RMDN2: variants seen among roughly 807,000 people sequenced by gnomAD.
The protein encoded by RMDN2 is regulator of microtubule dynamics protein 2.
Under a neutral mutation model 52.8 loss-of-function variants are expected in RMDN2, and 61 were observed. The observed-to-expected ratio is 1.16, with a 90% CI of 0.94 to 1.43. The LOEUF (loss-of-function observed/expected upper bound fraction) is 1.43. RMDN2 is among the 40% of genes most tolerant of loss of function. The pLI is 0.00. For missense variants in RMDN2, 592 were observed against 475.3 expected (o/e 1.25, Z -2.28); for synonymous variants, 180 against 153.1 (o/e 1.18, Z -1.30).
At chr2:37,987,600 C>G (rs1035991921) in intron 5 of RMDN2, among the ~76,000 whole-genome samples, 1 of 152,132 alleles carries the variant, frequency 6.6e-6, no homozygotes, top group African/African-American at 2.4e-5. Context: ...TTATGTAACA[C>G]ATTACAACAG....
Position 38,017,235 on chromosome 2 carries a change from G to T in RMDN2, c.1229G>T (p.Arg410Met). 6.5e-7 allele frequency: 1 copy of T among 1,531,914 alleles called. No individual in the cohort carries two copies. The highest frequency in any genetic ancestry group is 1.2e-5 in the South Asian group (1 of 80,414). 94.9% of individuals were successfully genotyped at this position (1,531,914 alleles called of 1,614,324 possible). A position where few individuals can be genotyped will look rare whatever the true frequency, so the allele number is the denominator to read the frequency against. ...EMQKIMTSLK[R>M] ...CAAAAAATAATGACTTCCTTGAAGAGGTAAATAAACGAATTTACTCTTCAA... is the reference window on the plus strand; with the variant it reads ...CAAAAAATAATGACTTCCTTGAAGATGTAAATAAACGAATTTACTCTTCAA... Residue 410 changes from arginine (R) to methionine (M), a missense_variant, in exon 11 of 11, where the codon AGG (arginine) becomes ATG (methionine). Physicochemically the swap from Arg to Met is moderately conservative, Grantham distance 91. Transcript: ENST00000354545.
In RMDN2 at chr2:37,950,574, T is replaced by A. The variant is rs142623521; in HGVS notation, c.452+20845T>A. 839 of 1,613,150 alleles carry A rather than the reference T, an allele frequency of 5.2e-4. 4 individuals are homozygous for A. In the African/African-American group the frequency reaches 9.1e-3, roughly 18 times the overall value. On this transcript the variant is annotated intron_variant, in intron 2 of 10. Coordinates refer to ENST00000354545, the MANE Select transcript of RMDN2 (RefSeq NM_001170791.3). The stretch of plus-strand genomic sequence containing the variant: ...GGGAGAGACTTACTTTGGATTAAAT[T>A]TACAATGGGAAAGTGCTTAAGGTAA...
chr2:37,923,302 T>C (rs1342982822), upstream of RMDN2: 2 of 152,194 alleles, frequency 1.3e-5, no homozygotes, highest in African/African-American at 4.8e-5. Context: ...AAGTGTGACA[T>C]AGTCTATGTC....
intron 10 of RMDN2, among the ~76,000 whole-genome samples, chr2:38,043,819 C>T (rs1230905514): frequency 6.6e-6 from 1 of 151,982 alleles, no homozygotes; most frequent in Non-Finnish European, 1.5e-5. Context: ...TGCTGTCATT[C>T]ATTTTCCTTA....
chr2:37,955,906 G>A (rs1669394092), intron 2 of RMDN2, among the ~76,000 whole-genome samples: 2 of 152,050 alleles, frequency 1.3e-5, no homozygotes, highest in South Asian at 4.1e-4. Context: ...AATTCCATCT[G>A]GTTGTGATGT....
intron 2 of RMDN2, among the ~76,000 whole-genome samples, chr2:37,947,902 G>A (rs189682931): frequency 4.3e-4 from 65 of 152,276 alleles, no homozygotes; most frequent in East Asian, 3.9e-3. Context: ...ACTTCTCCCC[G>A]TGTGTAATGT....
chr2:37,957,944 C>G (rs188019824), intron 2 of RMDN2, among the ~76,000 whole-genome samples: 169 of 152,290 alleles, frequency 1.1e-3, no homozygotes, highest in African/African-American at 3.8e-3. Context: ...TGTCAAAGAT[C>G]AGGTGGTTGT....
intron 2 of RMDN2, among the ~76,000 whole-genome samples, chr2:37,972,156 T>C: frequency 6.6e-6 from 1 of 152,196 alleles, no homozygotes; most frequent in South Asian, 2.1e-4. Context: ...AGTTTTTTGC[T>C]GATATGTAGA....
At chr2:37,996,292 A>G (rs1367455227) in intron 7 of RMDN2, among the ~76,000 whole-genome samples, 3 of 152,220 alleles carry the variant, frequency 2.0e-5, no homozygotes, top group Non-Finnish European at 4.4e-5. Context: ...TTTTTAAATT[A>G]GAGGATAATG....
chr2:37,931,634 G>T (rs1261221505), intron 2 of RMDN2, among the ~76,000 whole-genome samples: 1 of 152,210 alleles, frequency 6.6e-6, no homozygotes, highest in East Asian at 1.9e-4. Flanking sequence ...AGAAAAAGAG[G>T]CAAACTTTGA....
At chr2:38,013,569 G>C (rs530563939) in intron 10 of RMDN2, among the ~76,000 whole-genome samples, 1 of 152,330 alleles carries the variant, frequency 6.6e-6, no homozygotes, top group South Asian at 2.1e-4. Flanking sequence ...TTTATGAGTT[G>C]AGAAGCATAA....
chr2:37,978,062 C>T (rs1003761706), intron 4 of RMDN2, among the ~76,000 whole-genome samples: 3 of 152,184 alleles, frequency 2.0e-5, no homozygotes, highest in Admixed American at 2.0e-4. Context: ...ACTCTGTCTG[C>T]AATCCCGACA....
intron 2 of RMDN2, among the ~76,000 whole-genome samples, chr2:37,965,131 A>G (rs1187243839): frequency 6.6e-6 from 1 of 152,156 alleles, no homozygotes; most frequent in Non-Finnish European, 1.5e-5. Context: ...ATCAAAAATT[A>G]GTCTCTTTTG....
intron 2 of RMDN2, among the ~76,000 whole-genome samples, chr2:37,956,353 C>A (rs144063223): frequency 9.2e-5 from 14 of 152,124 alleles, no homozygotes; most frequent in African/African-American, 3.4e-4. Context: ...CTTCATATTA[C>A]TCTTATAATC....
intron 10 of RMDN2, among the ~76,000 whole-genome samples, chr2:38,056,534 C>G (rs1198115042): frequency 6.6e-6 from 1 of 152,158 alleles, no homozygotes; most frequent in Non-Finnish European, 1.5e-5. Flanking sequence ...ATAATAGATG[C>G]TGAATAAATG....
intron 10 of RMDN2, among the ~76,000 whole-genome samples, chr2:38,012,264 C>T (rs974772363): frequency 1.7e-4 from 26 of 152,318 alleles, no homozygotes; most frequent in South Asian, 1.0e-3. Flanking sequence ...ACTTCCTTGA[C>T]GCCTGCTGGC....
At chr2:38,010,407 A>G (rs1040575278) in intron 10 of RMDN2, among the ~76,000 whole-genome samples, 7 of 152,136 alleles carry the variant, frequency 4.6e-5, no homozygotes, top group African/African-American at 1.2e-4. Context: ...AGCCTCGGCA[A>G]TGGCTCGCTC....
intron 10 of RMDN2, among the ~76,000 whole-genome samples, chr2:38,038,958 G>T (rs918414683): frequency 1.3e-5 from 2 of 151,566 alleles, no homozygotes; most frequent in African/African-American, 2.4e-5. Context: ...AACAGGGAAG[G>T]GTGTTCCCTT....
At chr2:37,972,254 TA>T (rs1279309321) in intron 2 of RMDN2, among the ~76,000 whole-genome samples, 1 of 152,214 alleles carries the variant, frequency 6.6e-6, no homozygotes, top group Non-Finnish European at 1.5e-5. Context: ...TTTTTATTTT[TA>T]TGTAAATAAT....
Sources: gnomAD v4.1 joint callset for allele counts (sites outside exome capture counted in the v4.1 genomes callset) on GRCh38, gnomAD v4.1.1 for gene constraint, MANE v1.5 for transcripts, NCBI Gene and HGNC (gene_info 2026-07-23, HGNC 2026-07-21) for gene names.